STMN4: variants seen among roughly 807,000 people sequenced by gnomAD.
The protein encoded by STMN4 is stathmin 4, also known as stathmin-4.
STMN4 carries 12 observed loss-of-function variants against 29.1 expected under a neutral mutation model. The observed-to-expected ratio is 0.41, with a 90% CI of 0.26 to 0.67. The LOEUF is 0.67. Among genes scored for constraint, STMN4 ranks in the 30% least tolerant of loss-of-function variants. STMN4 has a pLI of 0.30. For missense variants in STMN4, 181 were observed against 262.8 expected, an observed-to-expected ratio of 0.69 and a Z score of 2.15; for synonymous variants, 114 against 105.3, an observed-to-expected ratio of 1.08 and a Z score of -0.51.
intron 6 of STMN4, among the ~76,000 whole-genome samples, chr8:27,237,518 G>A (rs572359282): frequency 1.4e-4 from 21 of 152,272 alleles, no homozygotes; most frequent in East Asian, 1.4e-3. Context: ...GTCTCCCAAC[G>A]TGCTGGGATT....
chr8:27,236,613 A>G lies in STMN4; in HGVS notation c.*233T>C. The G allele has an allele frequency of 2.5e-6, 1 of 400,686 alleles. No homozygotes were observed. The highest frequency in any genetic ancestry group is 4.4e-6 in the Non-Finnish European group (1 of 226,540). The allele number at this position is 400,686 out of a possible 1,614,324, so 24.8% of individuals were successfully genotyped here. Reference sequence around the variant, plus strand: ...AGTTCTTCTCCATCTCCCTTTCCCAAACTCTCTCCTCTCCCCTCTCCCACC... The same window carrying G: ...AGTTCTTCTCCATCTCCCTTTCCCAGACTCTCTCCTCTCCCCTCTCCCACC... On this transcript the variant is annotated 3_prime_UTR_variant, in exon 7 of 7. Transcript: ENST00000350889.
intron 1 of STMN4, among the ~76,000 whole-genome samples, chr8:27,257,160 C>T (rs1049214369): frequency 6.6e-5 from 10 of 152,172 alleles, no homozygotes; most frequent in Admixed American, 6.5e-4. Flanking sequence ...CTTTTCCCCT[C>T]TGCCTTCTCA....
intron 3 of STMN4, chr8:27,242,023 C>A: frequency 1.7e-6 from 1 of 573,302 alleles, no homozygotes; most frequent in South Asian, 2.3e-5. Context: ...CCAGAGGAGA[C>A]CTGTTGACCT....
At chr8:27,254,945 T>C (rs1488127803) in intron 1 of STMN4, among the ~76,000 whole-genome samples, 1 of 150,762 alleles carries the variant, frequency 6.6e-6, no homozygotes, top group African/African-American at 2.5e-5. Context: ...GTGTAGGGGA[T>C]GGAGTGGGAG....
chr8:27,247,273 AG>A (rs2130114276), intron 1 of STMN4, among the ~76,000 whole-genome samples: 1 of 150,792 alleles, frequency 6.6e-6, no homozygotes, highest in East Asian at 1.9e-4. Flanking sequence ...AAAAAAAAAA[AG>A]ATGATCTATT....
intron 5 of STMN4, 151 bp from the exon 6 acceptor site, chr8:27,240,313 A>C: frequency 1.2e-6 from 1 of 809,530 alleles, no homozygotes; most frequent in Non-Finnish European, 1.9e-6. Context: ...ACACTTCCTA[A>C]ATTCCCCCCA....
At chr8:27,256,971 T>A (rs1801959610) in intron 1 of STMN4, among the ~76,000 whole-genome samples, 1 of 151,958 alleles carries the variant, frequency 6.6e-6, no homozygotes, top group Non-Finnish European at 1.5e-5. Context: ...GTTCCAGGAG[T>A]GGCCTGGGTG....
chr8:27,257,459 AACACACACACACACACAC>A (rs59516183), intron 1 of STMN4, among the ~76,000 whole-genome samples: 4 of 137,722 alleles, frequency 2.9e-5, no homozygotes, highest in South Asian at 2.5e-4. Flanking sequence ...CCCCCATACA[AACACACACACACACACAC>A]ACACACACAC....
At chr8:27,241,958 C>A (rs954553621) in intron 3 of STMN4, among the ~76,000 whole-genome samples, 1 of 152,216 alleles carries the variant, frequency 6.6e-6, no homozygotes, top group African/African-American at 2.4e-5. Context: ...AGCATGGCTG[C>A]CACAGAACCT....
At chr8:27,239,243 G>C in intron 6 of STMN4, 1 of 1,535,628 alleles carries the variant, frequency 6.5e-7, no homozygotes, top group Non-Finnish European at 8.7e-7. Flanking sequence ...CGAGGCCACC[G>C]ATCAGGTCCC....
chr8:27,242,111 T>G lies in STMN4; in HGVS notation c.109+286A>C, dbSNP rs1443120232. On this transcript the variant is annotated intron_variant, in intron 3 of 6. Transcript: ENST00000350889. ...AGGTAGAATATCTGTCTGGCTCACCTTTGCATACCCCCCAGTCTCGATTTG... is the reference window on the plus strand; with the variant it reads ...AGGTAGAATATCTGTCTGGCTCACCGTTGCATACCCCCCAGTCTCGATTTG... 6 of 564,708 alleles carry G rather than the reference T, an allele frequency of 1.1e-5. No individual in the cohort carries two copies. In the East Asian group the frequency reaches 1.5e-4, roughly 14 times the overall value. 35.0% of individuals were successfully genotyped at this position (564,708 alleles called of 1,614,324 possible). A position where few individuals can be genotyped will look rare whatever the true frequency, so the allele number is the denominator to read the frequency against.
At chr8:27,242,787 G>A (rs894856652) in intron 2 of STMN4, among the ~76,000 whole-genome samples, 1 of 152,150 alleles carries the variant, frequency 6.6e-6, no homozygotes, top group African/African-American at 2.4e-5. Context: ...ATGCCCTCAT[G>A]GAAAGGTCCC....
At chr8:27,243,947 G>A (rs1478533440) in intron 1 of STMN4, 146 bp from the exon 2 acceptor site, 1 of 693,288 alleles carries the variant, frequency 1.4e-6, no homozygotes, top group South Asian at 1.8e-5. Context: ...CTCTCCCTGG[G>A]GGTCCCCTAC....
chr8:27,252,187 C>T (rs1801810356), intron 1 of STMN4, among the ~76,000 whole-genome samples: 3 of 152,222 alleles, frequency 2.0e-5, no homozygotes, highest in Admixed American at 6.5e-5. Context: ...ATATGTGCCA[C>T]ATTTTCTTAA....
At chr8:27,242,018 G>A (rs1801489419) in intron 3 of STMN4, 4 of 577,612 alleles carry the variant, frequency 6.9e-6, no homozygotes, top group Non-Finnish European at 1.2e-5. Context: ...CCTTCCCAGA[G>A]GAGACCTGTT....
chr8:27,239,173 G>C, intron 6 of STMN4: 1 of 1,521,072 alleles, frequency 6.6e-7, no homozygotes, highest in Non-Finnish European at 8.8e-7. Flanking sequence ...TGTTGCCAAG[G>C]GCCTGAGACT....
chr8:27,253,198 G>A (rs928092465), intron 1 of STMN4, among the ~76,000 whole-genome samples: 1 of 152,156 alleles, frequency 6.6e-6, no homozygotes, highest in Admixed American at 6.5e-5. Flanking sequence ...CAAGCTTCTG[G>A]CCCACATTGA....
intron 1 of STMN4, among the ~76,000 whole-genome samples, chr8:27,251,976 A>G (rs1801802567): frequency 6.6e-6 from 1 of 151,176 alleles, no homozygotes; most frequent in African/African-American, 2.5e-5. Flanking sequence ...CCATTCCACA[A>G]CAGTCCCCAG....
chr8:27,242,350 C>T, intron 3 of STMN4, 47 bp downstream of exon 3: 1 of 1,582,478 alleles, frequency 6.3e-7, no homozygotes, highest in Non-Finnish European at 8.7e-7. Flanking sequence ...GAGGACAGGA[C>T]ACAGGGCCCC....
Sources: allele counts gnomAD v4.1 joint callset (sites outside exome capture counted in the v4.1 genomes callset), GRCh38; gene constraint gnomAD v4.1.1; transcripts MANE v1.5; gene names NCBI Gene and HGNC (gene_info 2026-07-23, HGNC 2026-07-21).